POU6F2: variants seen among roughly 807,000 people sequenced by gnomAD.
POU6F2 encodes the protein POU class 6 homeobox 2, also known as POU domain, class 6, transcription factor 2.
A neutral mutation model predicts 71.3 loss-of-function variants in POU6F2; 31 were observed. The ratio of observed to expected loss-of-function variants is 0.43; its 90% CI spans 0.33 to 0.59. The LOEUF (loss-of-function observed/expected upper bound fraction) is 0.59, where lower values mean the gene tolerates loss of function less well. Ranked by LOEUF, POU6F2 falls within the 20% of genes least tolerant of loss-of-function variation. The pLI is 0.04. For missense variants in POU6F2, 783 were observed against 856.8 expected, an observed-to-expected ratio of 0.91 and a Z score of 1.07; for synonymous variants, 347 against 355.7, an observed-to-expected ratio of 0.98 and a Z score of 0.27.
intron 5 of POU6F2, chr7:39,405,143 A>T (rs1346466013): frequency 3.9e-5 from 6 of 152,210 alleles, no homozygotes; most frequent in African/African-American, 1.4e-4. Context: ...GTTGTGTGAA[A>T]TTTAGTTATA....
chr7:39,118,453 G>T (rs1192159259), intron 2 of POU6F2, among the ~76,000 whole-genome samples: 1 of 151,988 alleles, frequency 6.6e-6, no homozygotes, highest in Non-Finnish European at 1.5e-5. Flanking sequence ...TACTACAATT[G>T]TGCAGCAGGA....
intron 2 of POU6F2, among the ~76,000 whole-genome samples, chr7:39,109,962 T>C (rs907081031): frequency 6.6e-6 from 1 of 152,214 alleles, no homozygotes; most frequent in African/African-American, 2.4e-5. Flanking sequence ...TAAATATAGC[T>C]GCTATTAAGA....
chr7:39,233,791 CAG>C (rs998778437), intron 4 of POU6F2, among the ~76,000 whole-genome samples: 1 of 152,168 alleles, frequency 6.6e-6, no homozygotes, highest in Non-Finnish European at 1.5e-5. Flanking sequence ...TCCAGCATAG[CAG>C]AGTCTTTCAG....
At chr7:39,032,262 C>A (rs141991169) in intron 1 of POU6F2, among the ~76,000 whole-genome samples, 1 of 152,152 alleles carries the variant, frequency 6.6e-6, no homozygotes, top group Non-Finnish European at 1.5e-5. Flanking sequence ...GTGGGAGGGA[C>A]TATAACCACA....
intron 2 of POU6F2, among the ~76,000 whole-genome samples, chr7:39,175,757 C>T (rs1051940150): frequency 6.6e-6 from 1 of 152,112 alleles, no homozygotes; most frequent in Non-Finnish European, 1.5e-5. Flanking sequence ...CCTTAACACC[C>T]ACTTCTCCAG....
chr7:39,151,059 T>C (rs1792747182), intron 2 of POU6F2, among the ~76,000 whole-genome samples: 1 of 152,122 alleles, frequency 6.6e-6, no homozygotes, highest in Non-Finnish European at 1.5e-5. Flanking sequence ...TTTTTTTCCA[T>C]AGAACTCTTT....
At chr7:39,332,680 T>G (rs1172865004) in intron 4 of POU6F2, among the ~76,000 whole-genome samples, 1 of 152,228 alleles carries the variant, frequency 6.6e-6, no homozygotes, top group Non-Finnish European at 1.5e-5. Flanking sequence ...GATTTATGTT[T>G]CTTTGTATGT....
At chr7:39,424,857 G>A (rs1430681815) in intron 6 of POU6F2, among the ~76,000 whole-genome samples, 1 of 151,896 alleles carries the variant, frequency 6.6e-6, no homozygotes, top group East Asian at 1.9e-4. Flanking sequence ...CCTCCAGAGT[G>A]TGGAGTGTGC....
intron 2 of POU6F2, among the ~76,000 whole-genome samples, chr7:39,196,929 G>A (rs996395388): frequency 4.8e-4 from 73 of 152,304 alleles, no homozygotes; most frequent in Admixed American, 3.6e-3. Flanking sequence ...AATCGGCAGC[G>A]AGCTATGGGG....
chr7:39,228,209 T>C (rs1249431692), intron 4 of POU6F2, among the ~76,000 whole-genome samples: 1 of 152,244 alleles, frequency 6.6e-6, no homozygotes, highest in Non-Finnish European at 1.5e-5. Context: ...ATATATACTT[T>C]GAGTCCATTG....
chr7:39,018,474 G>A (rs1484809024), intron 1 of POU6F2, among the ~76,000 whole-genome samples: 1 of 149,426 alleles, frequency 6.7e-6, no homozygotes, highest in Non-Finnish European at 1.5e-5. Flanking sequence ...TTTTTTTTTT[G>A]GTGCAGAAAT....
intron 5 of POU6F2, among the ~76,000 whole-genome samples, chr7:39,344,657 C>G (rs940610964): frequency 7.9e-5 from 12 of 152,108 alleles, no homozygotes; most frequent in Admixed American, 2.0e-4. Context: ...CCCCTCCCCC[C>G]CCAGCAATTA....
At chr7:39,138,629 A>T (rs1046010683) in intron 2 of POU6F2, among the ~76,000 whole-genome samples, 2 of 152,208 alleles carry the variant, frequency 1.3e-5, no homozygotes, top group African/African-American at 4.8e-5. Flanking sequence ...TCTAGTTGAA[A>T]GAAAACAAGC....
intron 6 of POU6F2, among the ~76,000 whole-genome samples, chr7:39,426,622 T>G (rs1223837112): frequency 1.3e-5 from 2 of 151,986 alleles, no homozygotes; most frequent in Non-Finnish European, 2.9e-5. Flanking sequence ...CCTCCCTTTT[T>G]CTCTCTCCTC....
intron 1 of POU6F2, among the ~76,000 whole-genome samples, chr7:39,059,998 A>G (rs1042848785): frequency 2.0e-5 from 3 of 152,174 alleles, no homozygotes; most frequent in Non-Finnish European, 2.9e-5. Flanking sequence ...TCATGAGGTT[A>G]GGAGTTTGAG....
intron 6 of POU6F2, among the ~76,000 whole-genome samples, chr7:39,413,673 A>AT (rs959256235): frequency 2.2e-4 from 33 of 151,410 alleles, no homozygotes; most frequent in South Asian, 6.3e-4. Context: ...TTCAAGTAGC[A>AT]TTTTTTTTTA....
intron 1 of POU6F2, among the ~76,000 whole-genome samples, chr7:38,985,685 C>T (rs1431195629): frequency 6.6e-6 from 1 of 152,018 alleles, no homozygotes. Context: ...AGATGGTGTT[C>T]CAGGGTCTTA....
intron 4 of POU6F2, among the ~76,000 whole-genome samples, chr7:39,269,952 C>G (rs963440696): frequency 6.6e-6 from 1 of 152,114 alleles, no homozygotes; most frequent in Non-Finnish European, 1.5e-5. Flanking sequence ...TAAGTCAAGA[C>G]GAGCTCTCAA....
At chr7:39,407,144 A>G (rs1195472399) in intron 6 of POU6F2, among the ~76,000 whole-genome samples, 2 of 152,090 alleles carry the variant, frequency 1.3e-5, no homozygotes, top group African/African-American at 4.8e-5. Context: ...GTTTCCTTCC[A>G]TAATTGCTGT....
Sources: gnomAD v4.1 joint callset for allele counts (sites outside exome capture counted in the v4.1 genomes callset) on GRCh38, gnomAD v4.1.1 for gene constraint, MANE v1.5 for transcripts, NCBI Gene and HGNC (gene_info 2026-07-23, HGNC 2026-07-21) for gene names.